CTNNB1: variants seen among roughly 807,000 people sequenced by gnomAD.
CTNNB1 encodes catenin beta 1, also known as catenin beta-1.
CTNNB1 carries 6 observed loss-of-function variants against 82.5 expected under a neutral mutation model. That is an observed-to-expected ratio of 0.07 (90% confidence interval 0.04 to 0.14). The LOEUF is 0.14. Ranked by LOEUF, CTNNB1 falls within the 10% of genes least tolerant of loss-of-function variation. CTNNB1 has a pLI of 1.00. For synonymous variants in CTNNB1, 312 were observed against 329.7 expected (o/e 0.95, Z 0.58); for missense variants, 529 against 980.4 (o/e 0.54, Z 6.15).
chr3:41,219,551 G>T lies in CTNNB1; in HGVS notation c.-48-4470G>T, dbSNP rs77458121. On this transcript the variant is annotated intron_variant, in intron 1 of 14. Coordinates refer to ENST00000349496, the MANE Select transcript of CTNNB1 (RefSeq NM_001904.4). ...ACATGTAGCAAATAAATAAGCATAT[G>T]AACTTATTGGAATTTAAAACCCTGT... Among the ~76,000 whole-genome samples, 1,155 of 152,270 alleles carry T rather than the reference G, an allele frequency of 7.6e-3. 23 individuals carry two copies. The highest frequency in any genetic ancestry group is 0.026 in the African/African-American group (1,092 of 41,548).
chr3:41,210,796 C>A (rs116496234), intron 1 of CTNNB1, among the ~76,000 whole-genome samples: 3,250 of 147,178 alleles, frequency 0.022, 105 homozygotes, highest in African/African-American at 0.076. Context: ...ATATGCTATA[C>A]TTTTTTTTTT....
At chr3:41,208,438 A>T (rs1287621201) in intron 1 of CTNNB1, among the ~76,000 whole-genome samples, 1 of 152,064 alleles carries the variant, frequency 6.6e-6, no homozygotes, top group Admixed American at 6.5e-5. Flanking sequence ...TTTGTCTTTT[A>T]TCTGTAACTC....
At chr3:41,232,330 T>TA (rs1354497298) in intron 7 of CTNNB1, among the ~76,000 whole-genome samples, 1 of 152,144 alleles carries the variant, frequency 6.6e-6, no homozygotes, top group Admixed American at 6.5e-5. Context: ...TCATCAGTCT[T>TA]ACGCAGATCA....
Position 41,239,688 on chromosome 3 carries a change from G to A in CTNNB1, c.*346G>A, listed in dbSNP as rs2078528864. 1 of 417,234 alleles carries A rather than the reference G, an allele frequency of 2.4e-6. No homozygotes were observed. The highest frequency in any genetic ancestry group is 2.0e-5 in the African/African-American group (1 of 50,322). 25.8% of individuals were successfully genotyped at this position (417,234 alleles called of 1,614,324 possible). A position where few individuals can be genotyped will look rare whatever the true frequency, so the allele number is the denominator to read the frequency against. On this transcript the variant is annotated 3_prime_UTR_variant, in exon 15 of 15. Coordinates refer to ENST00000349496, the MANE Select transcript of CTNNB1 (RefSeq NM_001904.4). Reference sequence around the variant, plus strand: ...TATTGTCTGAACTTGCATTGTGATTGGCCTGTAGAGTTGCTGAGAGGGCTC... The same window carrying A: ...TATTGTCTGAACTTGCATTGTGATTAGCCTGTAGAGTTGCTGAGAGGGCTC...
intron 1 of CTNNB1, chr3:41,220,770 G>C (rs1255529938): frequency 6.6e-6 from 1 of 152,008 alleles, no homozygotes; most frequent in Admixed American, 6.6e-5. Flanking sequence ...ATAAAACTGT[G>C]GTTTTAAAAT....
chr3:41,229,422 C>T (rs1490275856), intron 7 of CTNNB1, among the ~76,000 whole-genome samples: 1 of 152,032 alleles, frequency 6.6e-6, no homozygotes, highest in African/African-American at 2.4e-5. Context: ...GATCTTTCAC[C>T]TCCCTGGTTA....
chr3:41,201,393 C>T (rs573306251), intron 1 of CTNNB1, among the ~76,000 whole-genome samples: 2 of 152,250 alleles, frequency 1.3e-5, no homozygotes, highest in African/African-American at 2.4e-5. Context: ...TGTCCTTTCA[C>T]ACCAGACAAA....
chr3:41,239,161 G>C lies in CTNNB1; in HGVS notation c.2165G>C (p.Gly722Ala), dbSNP rs2125653142. The change falls in exon 15 of 15, where the codon GGT becomes GCT. Residue 722 changes from glycine to alanine, a missense_variant. This residue lies in a region of CTNNB1 where 102 missense variants were observed against 130.8 expected (regional missense o/e 0.78). Coordinates refer to ENST00000349496, the MANE Select transcript of CTNNB1 (RefSeq NM_001904.4). ...CCTAGCTATCGTTCTTTTCACTCTG[G>C]TGGATATGGCCAGGATGCCTTGGGT... ...DDPSYRSFHS[G>A]GYGQDALGMD... 1 of 1,614,094 alleles carries C rather than the reference G, an allele frequency of 6.2e-7. No individual in the cohort carries two copies. The highest frequency in any genetic ancestry group is 1.1e-5 in the South Asian group (1 of 91,082).
intron 6 of CTNNB1, among the ~76,000 whole-genome samples, chr3:41,226,390 AAC>A (rs1271474302): frequency 6.6e-6 from 1 of 152,196 alleles, no homozygotes; most frequent in Non-Finnish European, 1.5e-5. Flanking sequence ...GAGGGCACAT[AAC>A]ACAAGTTGAA....
chr3:41,231,661 C>CT (rs2078313484), intron 7 of CTNNB1, among the ~76,000 whole-genome samples: 1 of 152,228 alleles, frequency 6.6e-6, no homozygotes, highest in African/African-American at 2.4e-5. Context: ...GGTTGTTTAT[C>CT]AATAGCAAAG....
At position 41,234,119 on chromosome 3, in the gene CTNNB1, T is replaced by A; in HGVS notation, c.1525-20T>A. 6.2e-7 allele frequency: 1 copy of A among 1,614,186 alleles called. No individual in the cohort carries two copies. Among genetic ancestry groups the A allele is most frequent in the Non-Finnish European group, 8.5e-7 (1 of 1,180,000 alleles). The stretch of plus-strand genomic sequence containing the variant: ...ATGATTTTGTTGAGTTGTATGCCAG[T>A]TCTTCCTTCTGTTTTTCAGGCTACT... On this transcript the variant is annotated intron_variant, in intron 9 of 14. Transcript: ENST00000349496.
intron 7 of CTNNB1, among the ~76,000 whole-genome samples, chr3:41,229,888 G>GTGTGTT (rs2078266714): frequency 6.6e-6 from 1 of 151,688 alleles, no homozygotes; most frequent in Admixed American, 6.6e-5. Context: ...GTGTGTGTGT[G>GTGTGTT]TGTGTGTGTG....
chr3:41,232,301 CA>C (rs1207805773), intron 7 of CTNNB1, among the ~76,000 whole-genome samples: 1 of 152,126 alleles, frequency 6.6e-6, no homozygotes, highest in Non-Finnish European at 1.5e-5. Flanking sequence ...AGTCATTTCA[CA>C]AATACTGAGC....
At chr3:41,226,469 G>A (rs896040451) in intron 6 of CTNNB1, among the ~76,000 whole-genome samples, 1 of 152,176 alleles carries the variant, frequency 6.6e-6, no homozygotes, top group Non-Finnish European at 1.5e-5. Context: ...AGTGTTCAAG[G>A]ATGAGAAGGG....
chr3:41,235,933 A>T, intron 11 of CTNNB1, 90 bp downstream of exon 11: 3 of 1,443,346 alleles, frequency 2.1e-6, no homozygotes, highest in East Asian at 2.3e-5. Flanking sequence ...TAGGGACCAT[A>T]ATAGGGTTAC....
intron 1 of CTNNB1, among the ~76,000 whole-genome samples, chr3:41,201,624 CT>C (rs1280572033): frequency 6.6e-6 from 1 of 151,820 alleles, no homozygotes; most frequent in African/African-American, 2.4e-5. Context: ...TAGCATGTAA[CT>C]TTAGAGTCCT....
chr3:41,224,772 A>G lies in CTNNB1; in HGVS notation c.241+19A>G. On this transcript the variant is annotated intron_variant, in intron 3 of 14. Coordinates refer to ENST00000349496, the MANE Select transcript of CTNNB1 (RefSeq NM_001904.4). ...GTAGCTGGTAAGAGTATTATTTTTC[A>G]TTGCCTTACTGAAAGTCAGAATGCA... 1 of 1,608,494 alleles carries G rather than the reference A, an allele frequency of 6.2e-7. No homozygotes were observed. Among genetic ancestry groups the G allele is most frequent in the Admixed American group, 1.7e-5 (1 of 59,882 alleles).
At chr3:41,235,980 G>A in intron 11 of CTNNB1, 137 bp downstream of exon 11, 4 of 1,144,610 alleles carry the variant, frequency 3.5e-6, no homozygotes, top group Non-Finnish European at 5.2e-6. Context: ...TACATTTTTT[G>A]GTCAGTAAGA....
rs1575302042 is a variant in CTNNB1, at chr3:41,216,420, G to C, written c.-48-7601G>C. On this transcript the variant is annotated intron_variant, in intron 1 of 14. Coordinates refer to ENST00000349496, the MANE Select transcript of CTNNB1 (RefSeq NM_001904.4). ...TGTCACTTTAACAGAATAGGAGCTA[G>C]GAATGAAGAAATAGTTATTAAATTA... is the stretch of plus-strand genomic sequence containing the variant. Among the ~76,000 whole-genome samples, 3 of 152,296 alleles carry C rather than the reference G, an allele frequency of 2.0e-5. No individual in the cohort carries two copies. The South Asian group carries it at 6.2e-4, about 32-fold the overall frequency.
Sources: gnomAD v4.1 joint callset for allele counts (sites outside exome capture counted in the v4.1 genomes callset) on GRCh38, gnomAD v4.1.1 for gene constraint, gnomAD v4.1.1 regional missense constraint, MANE v1.5 for transcripts, NCBI Gene and HGNC (gene_info 2026-07-23, HGNC 2026-07-21) for gene names.